ZNF169: variants seen among roughly 807,000 people sequenced by gnomAD.
ZNF169 encodes zinc finger protein 169.
A neutral mutation model predicts 12.0 loss-of-function variants in ZNF169; 11 were observed. The ratio of observed to expected loss-of-function variants is 0.92; its 90% CI spans 0.58 to 1.52. The LOEUF is 1.52. Among genes scored for constraint, ZNF169 ranks in the 40% most tolerant of loss-of-function variants. The pLI is 0.00. For synonymous variants in ZNF169, 302 were observed against 286.5 expected (o/e 1.05, Z -0.55); for missense variants, 722 against 744.0 (o/e 0.97, Z 0.34).
At chr9:94,276,919 C>T (rs1021306733) in intron 1 of ZNF169, among the ~76,000 whole-genome samples, 6 of 152,042 alleles carry the variant, frequency 3.9e-5, no homozygotes, top group Admixed American at 1.3e-4. Flanking sequence ...AGTCAAGCTC[C>T]GTAAAATATT....
intron 1 of ZNF169, among the ~76,000 whole-genome samples, chr9:94,273,665 C>A (rs1387195348): frequency 6.6e-6 from 1 of 150,594 alleles, no homozygotes; most frequent in Non-Finnish European, 1.5e-5. Context: ...CTGCCAACTC[C>A]GCCTCCCGGG....
intron 1 of ZNF169, among the ~76,000 whole-genome samples, chr9:94,268,427 T>C (rs1830330359): frequency 6.6e-6 from 1 of 152,176 alleles, no homozygotes. Context: ...AAACATGATT[T>C]CATATTTAAC....
rs1164983999 is a variant in ZNF169, at chr9:94,299,821, G to C, written c.263G>C (p.Arg88Thr). ...AAGACTTTCTCTCTAGCAGAGCCTA[G>C]AACAGAATTCCAGCCAAGTTTTCCC... is the stretch of plus-strand genomic sequence containing the variant. ...EHLLDLCPEPRTEFQPSFPHL... is the reference protein window; with the variant it reads ...EHLLDLCPEPTTEFQPSFPHL... Residue 88 changes from arginine (R) to threonine (T), a missense_variant, in exon 5 of 5, where the codon AGA becomes ACA. Transcript: ENST00000395395. 2 of 1,612,668 alleles carry C rather than the reference G, an allele frequency of 1.2e-6. No individual in the cohort carries two copies. The highest frequency in any genetic ancestry group is 2.2e-5 in the East Asian group (1 of 44,872).
intron 2 of ZNF169, 68 bp downstream of exon 2, chr9:94,278,913 G>A: frequency 6.4e-7 from 1 of 1,551,034 alleles, no homozygotes; most frequent in Non-Finnish European, 8.9e-7. Context: ...CCTGAAGGCT[G>A]CCTTCTTGGT....
At chr9:94,294,829 A>C (rs187923494) in intron 4 of ZNF169, 1 of 152,232 alleles carries the variant, frequency 6.6e-6, no homozygotes, top group Non-Finnish European at 1.5e-5. Context: ...AATTATGGAA[A>C]CATTTAGGTC....
intron 2 of ZNF169, 119 bp downstream of exon 2, chr9:94,278,964 C>T (rs565517739): frequency 6.2e-6 from 6 of 966,802 alleles, no homozygotes; most frequent in African/African-American, 4.9e-5. Flanking sequence ...CGTGACTCAT[C>T]TTATCTGGAG....
At chr9:94,288,139 A>T (rs3131907) in intron 2 of ZNF169, 757,386 of 811,742 alleles carry the variant, frequency 0.93, 356,114 homozygotes, top group East Asian at 0.99. Flanking sequence ...GCACCCTGGA[A>T]TGAGGGCCCA....
intron 2 of ZNF169, among the ~76,000 whole-genome samples, chr9:94,291,307 C>G (rs1830829038): frequency 6.6e-6 from 1 of 152,008 alleles, no homozygotes; most frequent in Non-Finnish European, 1.5e-5. Context: ...CCGCCTTGTC[C>G]TCTCAAAGTG....
chr9:94,293,181 T>G, intron 4 of ZNF169, 112 bp downstream of exon 4: 1 of 938,318 alleles, frequency 1.1e-6, no homozygotes. Flanking sequence ...TCAGGCCTCC[T>G]AGGCCACTGG....
At chr9:94,287,397 G>A (rs1223500087) in intron 2 of ZNF169, among the ~76,000 whole-genome samples, 3 of 152,036 alleles carry the variant, frequency 2.0e-5, no homozygotes, top group Admixed American at 1.3e-4. Flanking sequence ...ACGGAGTCTC[G>A]CTCTGTCACC....
At chr9:94,299,469 T>A in intron 4 of ZNF169, 1 of 1,118,514 alleles carries the variant, frequency 8.9e-7, no homozygotes, top group Non-Finnish European at 1.1e-6. Flanking sequence ...AGTTCTTGGC[T>A]CTTGCATAAA....
In ZNF169 at chr9:94,301,593, A is replaced by T. The variant is rs1831080200; in HGVS notation, c.*223A>T. The T allele has an allele frequency of 1.2e-6, 1 of 807,726 alleles. No individual in the cohort carries two copies. The highest frequency in any genetic ancestry group is 1.8e-6 in the Non-Finnish European group (1 of 559,062). 50.0% of individuals were successfully genotyped at this position (807,726 alleles called of 1,614,324 possible). A position where few individuals can be genotyped will look rare whatever the true frequency, so the allele number is the denominator to read the frequency against. The stretch of plus-strand genomic sequence containing the variant: ...TTTGACAACGGAAATATATTTTCAT[A>T]TTTATGGAGGCTGGAAGTCCCAGAT... On this transcript the variant is annotated 3_prime_UTR_variant, in exon 5 of 5. Transcript: ENST00000395395.
intron 2 of ZNF169, among the ~76,000 whole-genome samples, chr9:94,281,881 A>C (rs1384816877): frequency 6.6e-6 from 1 of 152,180 alleles, no homozygotes; most frequent in African/African-American, 2.4e-5. Context: ...TGTGCAGAAG[A>C]AGCTCTCAGA....
intron 1 of ZNF169, among the ~76,000 whole-genome samples, chr9:94,278,191 G>A (rs1830559114): frequency 1.3e-5 from 2 of 152,092 alleles, no homozygotes; most frequent in South Asian, 4.2e-4. Flanking sequence ...TATAAAACTA[G>A]GTCAGTTACT....
chr9:94,270,852 A>AT (rs1455959041), intron 1 of ZNF169, among the ~76,000 whole-genome samples: 1 of 4,272 alleles, frequency 2.3e-4, no homozygotes, highest in Non-Finnish European at 6.4e-4. Context: ...ATATTATATA[A>AT]ATATATATAA....
At chr9:94,284,783 A>G (rs1357261831) in intron 2 of ZNF169, among the ~76,000 whole-genome samples, 1 of 152,222 alleles carries the variant, frequency 6.6e-6, no homozygotes, top group Non-Finnish European at 1.5e-5. Context: ...AATGAATTAG[A>G]AGATTTAATA....
At position 94,293,009 on chromosome 9, in the gene ZNF169, C is replaced by T. The variant is rs1830877763; in HGVS notation, c.196C>T (p.Leu66=). 1 of 1,613,464 alleles carries T rather than the reference C, an allele frequency of 6.2e-7. No individual in the cohort carries two copies. Among genetic ancestry groups the T allele is most frequent in the Non-Finnish European group, 8.5e-7 (1 of 1,179,740 alleles). Residue 66 remains leucine, a synonymous_variant, in exon 4 of 5, where the codon CTG becomes TTG. Coordinates refer to ENST00000395395, the MANE Select transcript of ZNF169 (RefSeq NM_194320.4). ...AFSKPKLIEQ[L]EQGDEPWREE... is the part of the protein sequence containing the mutation. ...TTCCAAACCAAAACTCATCGAACAG[C>T]TGGAGCAAGGCGACGAACCTTGGAG...
At chr9:94,261,022 T>G (rs572016399) in intron 1 of ZNF169, among the ~76,000 whole-genome samples, 2 of 147,728 alleles carry the variant, frequency 1.4e-5, no homozygotes, top group Non-Finnish European at 1.5e-5. Context: ...GGGGTTTGTT[T>G]TTTGTTTGTT....
intron 1 of ZNF169, among the ~76,000 whole-genome samples, chr9:94,263,763 TG>T (rs557110775): frequency 1.6e-3 from 237 of 152,296 alleles, no homozygotes; most frequent in African/African-American, 5.5e-3. Context: ...TTTTACTGTT[TG>T]TTTTTTTATT....
Sources: allele counts gnomAD v4.1 joint callset (sites outside exome capture counted in the v4.1 genomes callset), GRCh38; gene constraint gnomAD v4.1.1; transcripts MANE v1.5; gene names NCBI Gene and HGNC (gene_info 2026-07-23, HGNC 2026-07-21).